LPXN: variants seen among roughly 807,000 people sequenced by gnomAD.
LPXN encodes leupaxin.
LPXN carries 28 observed loss-of-function variants against 45.6 expected under a neutral mutation model. The observed-to-expected ratio is 0.61, with a 90% CI of 0.45 to 0.84. The LOEUF (loss-of-function observed/expected upper bound fraction) is 0.84. LPXN is among the 40% of genes least tolerant of loss of function. The pLI is 0.00. For missense variants in LPXN, 459 were observed against 475.0 expected, an observed-to-expected ratio of 0.97 and a Z score of 0.31; for synonymous variants, 166 against 169.9, an observed-to-expected ratio of 0.98 and a Z score of 0.18.
chr11:58,565,369 T>C (rs1275500542), intron 2 of LPXN, among the ~76,000 whole-genome samples: 1 of 151,922 alleles, frequency 6.6e-6, no homozygotes, highest in African/African-American at 2.4e-5. Context: ...CCATCTCTAC[T>C]AAAACTATAA....
intron 7 of LPXN, among the ~76,000 whole-genome samples, chr11:58,541,898 G>T (rs1284695533): frequency 3.3e-5 from 5 of 152,026 alleles, no homozygotes; most frequent in African/African-American, 4.8e-5. Context: ...TAGGGACATG[G>T]ATGAAATTGG....
intron 1 of LPXN, among the ~76,000 whole-genome samples, chr11:58,573,976 G>A (rs1003637713): frequency 2.0e-5 from 3 of 152,158 alleles, no homozygotes; most frequent in Non-Finnish European, 2.9e-5. Flanking sequence ...GCTAGCCTCT[G>A]AGGCACCACT....
At chr11:58,546,255 G>A (rs930251928) in intron 7 of LPXN, among the ~76,000 whole-genome samples, 1 of 152,162 alleles carries the variant, frequency 6.6e-6, no homozygotes, top group East Asian at 1.9e-4. Context: ...TAACATCAGA[G>A]GGGCTCAGGA....
chr11:58,574,602 G>A (rs897515041), intron 1 of LPXN, among the ~76,000 whole-genome samples: 2 of 151,960 alleles, frequency 1.3e-5, no homozygotes, highest in African/African-American at 4.8e-5. Context: ...AAGAAAAAAG[G>A]CCCTAGCACT....
At chr11:58,552,896 G>A (rs895102428) in intron 4 of LPXN, among the ~76,000 whole-genome samples, 1 of 152,106 alleles carries the variant, frequency 6.6e-6, no homozygotes, top group Non-Finnish European at 1.5e-5. Context: ...GAATACTTCT[G>A]AACAGATATA....
rs775110315 is a variant in LPXN, at chr11:58,528,009, T to A, written c.891+34A>T. On this transcript the variant is annotated intron_variant, in intron 8 of 8. Transcript: ENST00000395074. ...TCTCAGAGAGGAGAACCCTTGACTT[T>A]CCCTAAGTCCGAAAGAAAAGTGATT... 29 of 1,597,070 alleles carry A rather than the reference T, an allele frequency of 1.8e-5. No individual in the cohort carries two copies. The East Asian group carries it at 6.5e-4, about 36-fold the overall frequency.
chr11:58,538,157 T>C (rs1366986258), intron 7 of LPXN, among the ~76,000 whole-genome samples: 6 of 152,188 alleles, frequency 3.9e-5, no homozygotes, highest in African/African-American at 1.4e-4. Flanking sequence ...CACATTTTCT[T>C]AATCCAGTCT....
intron 7 of LPXN, among the ~76,000 whole-genome samples, chr11:58,545,821 T>C (rs1368855808): frequency 6.6e-6 from 1 of 152,212 alleles, no homozygotes; most frequent in African/African-American, 2.4e-5. Flanking sequence ...TTTCTAACTG[T>C]GTGACTTTAA....
chr11:58,554,972 C>G lies in LPXN; in HGVS notation c.219-32G>C, dbSNP rs745857762. On this transcript the variant is annotated intron_variant, in intron 3 of 8. Transcript: ENST00000395074. ...AGGGAAAACAAAAAAGTCATATGAA[C>G]AAATCAAAACTCAAATAATGTTAAA... is the stretch of plus-strand genomic sequence containing the variant. 4 of 1,345,258 alleles carry G rather than the reference C, an allele frequency of 3.0e-6. No homozygotes were observed. The East Asian group carries it at 6.9e-5, about 23-fold the overall frequency. The allele number at this position is 1,345,258 out of a possible 1,614,324, so 83.3% of individuals were successfully genotyped here. A position where few individuals can be genotyped will look rare whatever the true frequency, so the allele number is the denominator to read the frequency against.
At chr11:58,547,903 G>C (rs1853923574) in intron 7 of LPXN, among the ~76,000 whole-genome samples, 1 of 151,950 alleles carries the variant, frequency 6.6e-6, no homozygotes, top group East Asian at 1.9e-4. Flanking sequence ...GAAAAACAAA[G>C]TAAAGCAGCT....
intron 7 of LPXN, among the ~76,000 whole-genome samples, chr11:58,535,942 C>T (rs1190352159): frequency 3.3e-5 from 5 of 152,154 alleles, no homozygotes; most frequent in African/African-American, 1.2e-4. Flanking sequence ...CCTTGGAATA[C>T]AACTTACAAG....
chr11:58,572,218 A>C (rs538743787), intron 1 of LPXN, among the ~76,000 whole-genome samples: 17 of 152,214 alleles, frequency 1.1e-4, no homozygotes, highest in East Asian at 1.9e-4. Flanking sequence ...TAAAAAAAAA[A>C]CAGATTTTTC....
chr11:58,566,242 T>C (rs1425974084), intron 2 of LPXN, among the ~76,000 whole-genome samples: 1 of 152,222 alleles, frequency 6.6e-6, no homozygotes, highest in Admixed American at 6.5e-5. Flanking sequence ...ACAACTTTAA[T>C]TGATGCTTCA....
At chr11:58,528,275 TCA>T (rs35632700) in intron 7 of LPXN, 84 bp from the exon 8 acceptor site, 730,306 of 1,277,910 alleles carry the variant, frequency 0.57, 210,451 homozygotes, top group East Asian at 0.65. Flanking sequence ...CCTTTCAATC[TCA>T]GTGTCCTCAT....
At chr11:58,577,873 A>C, upstream of LPXN, 1 of 964,716 alleles carries the variant, frequency 1.0e-6, no homozygotes, top group African/African-American at 1.7e-5. Context: ...TCTAGTAGAA[A>C]AGCAACTTTA....
intron 7 of LPXN, among the ~76,000 whole-genome samples, chr11:58,541,426 G>A (rs1273474147): frequency 3.9e-5 from 6 of 152,148 alleles, no homozygotes; most frequent in Admixed American, 3.9e-4. Context: ...GCAGGCAAAA[G>A]ACACATGGAA....
intron 7 of LPXN, among the ~76,000 whole-genome samples, chr11:58,532,605 A>G (rs1301543276): frequency 6.6e-6 from 1 of 152,166 alleles, no homozygotes; most frequent in East Asian, 1.9e-4. Context: ...GTGTCTAGCT[A>G]GAGGATTGTA....
intron 7 of LPXN, among the ~76,000 whole-genome samples, chr11:58,528,869 T>G (rs963608176): frequency 6.6e-6 from 1 of 152,226 alleles, no homozygotes; most frequent in Non-Finnish European, 1.5e-5. Flanking sequence ...GTATATTATT[T>G]TTATTGTTTA....
rs58416682 is a variant in LPXN at position 58,550,115 on chromosome 11, G to A, written c.518C>T (p.Pro173Leu). 1.9e-6 allele frequency: 3 copies of A among 1,614,118 alleles called. No homozygotes were observed. Among genetic ancestry groups the A allele is most frequent in the Non-Finnish European group, 2.5e-6 (3 of 1,179,952 alleles). ...GCAATGAGTACAGACAAAATGCTCAGGATGCCATGATTGCCCTAGAGCATG... is the reference window on the plus strand; with the variant it reads ...GCAATGAGTACAGACAAAATGCTCAAGATGCCATGATTGCCCTAGAGCATG... ...VIHALGQSWH[P>L]EHFVCTHCKE... The change falls in exon 6 of 9, where the codon CCT becomes CTT. Residue 173 changes from proline (P) to leucine (L), a missense_variant. Pro to Leu is a moderately conservative substitution (Grantham distance 98, BLOSUM62 -3). Coordinates refer to ENST00000395074, the MANE Select transcript of LPXN (RefSeq NM_004811.3).
Sources: allele counts gnomAD v4.1 joint callset (sites outside exome capture counted in the v4.1 genomes callset), GRCh38; gene constraint gnomAD v4.1.1; transcripts MANE v1.5; gene names NCBI Gene and HGNC (gene_info 2026-07-23, HGNC 2026-07-21).